The following DCAF10 variants were observed in gnomAD, a reference collection of about 807,000 sequenced individuals.
The protein encoded by DCAF10 is DDB1 and CUL4 associated factor 10, also known as DDB1- and CUL4-associated factor 10.
DCAF10 carries 19 observed loss-of-function variants against 51.9 expected under a neutral mutation model. That is an observed-to-expected ratio of 0.37 (90% CI 0.26 to 0.54). DCAF10 has a LOEUF of 0.54. Among genes scored for constraint, DCAF10 ranks in the 20% least tolerant of loss-of-function variants. The pLI, the probability that DCAF10 is intolerant of heterozygous loss-of-function variation, is 0.87. For missense variants in DCAF10, 510 were observed against 730.6 expected (o/e 0.70, Z 3.48); for synonymous variants, 291 against 297.1 (o/e 0.98, Z 0.21).
At chr9:37,826,928 C>T (rs554646647) in intron 2 of DCAF10, among the ~76,000 whole-genome samples, 2 of 149,458 alleles carry the variant, frequency 1.3e-5, no homozygotes, top group Admixed American at 1.4e-4. Flanking sequence ...CAGGTTCAAG[C>T]GATTCTCCTG....
chr9:37,837,038 T>A (rs1327332369), intron 2 of DCAF10, among the ~76,000 whole-genome samples: 1 of 152,214 alleles, frequency 6.6e-6, no homozygotes, highest in Admixed American at 6.5e-5. Context: ...GAATTTATGA[T>A]CTTAAGAAAT....
chr9:37,840,912 G>T (rs181651042), intron 2 of DCAF10, among the ~76,000 whole-genome samples: 58 of 152,272 alleles, frequency 3.8e-4, no homozygotes, highest in Admixed American at 3.5e-3. Context: ...TTACGATTGT[G>T]TTACAGTTGC....
rs528017195 is a variant in DCAF10 at position 37,851,788 on chromosome 9, A to AAAAT, written c.852-2970_852-2967dup. ...GGGCGACAGAGTAAGACTCTGTCTC[A>AAAAT]AAATAAATAAATAAATAAATAAATA... On this transcript the variant is annotated intron_variant, in intron 3 of 6. Transcript: ENST00000377724. 8.2e-3 allele frequency among the ~76,000 whole-genome samples: 1,154 copies of AAAAT among 141,520 alleles called. 30 individuals carry two copies. Among genetic ancestry groups the AAAAT allele is most frequent in the Admixed American group, 0.042 (601 of 14,372 alleles). The allele number at this position is 141,520 out of a possible 152,430, so 92.8% of individuals were successfully genotyped here.
intron 5 of DCAF10, 46 bp downstream of exon 5, chr9:37,857,397 C>A: frequency 1.5e-6 from 2 of 1,335,228 alleles, no homozygotes; most frequent in Non-Finnish European, 1.0e-6. Flanking sequence ...ACAGATTATG[C>A]CAATCTGATT....
chr9:37,817,822 CA>C (rs1175979202), intron 1 of DCAF10, among the ~76,000 whole-genome samples: 1 of 151,890 alleles, frequency 6.6e-6, no homozygotes, highest in Admixed American at 6.6e-5. Flanking sequence ...TTCTGACTTA[CA>C]AAAAGAAATA....
intron 2 of DCAF10, among the ~76,000 whole-genome samples, chr9:37,825,928 A>G (rs12346088): frequency 0.19 from 29,089 of 151,972 alleles, 3,191 homozygotes; most frequent in African/African-American, 0.29. Context: ...CCAGCTACCC[A>G]GGAGGCTGAG....
intron 3 of DCAF10, among the ~76,000 whole-genome samples, chr9:37,850,351 T>A (rs1830597526): frequency 6.6e-6 from 1 of 152,186 alleles, no homozygotes; most frequent in Admixed American, 6.5e-5. Context: ...GCAGCACTAT[T>A]CACAGTAGCC....
Position 37,829,336 on chromosome 9 carries a change from A to G in DCAF10, c.653+9935A>G, listed in dbSNP as rs1829943222. 6.6e-6 allele frequency among the ~76,000 whole-genome samples: 1 copy of G among 152,168 alleles called. No individual in the cohort carries two copies. The highest frequency in any genetic ancestry group is 6.5e-5 in the Admixed American group (1 of 15,278). On this transcript the variant is annotated intron_variant, in intron 2 of 6. Transcript: ENST00000377724. The surrounding 1 kb of genome is among the most constrained non-coding windows in gnomAD (Gnocchi z 4.2). ...ATGCCTGTAATCCCAGCTACTCGGGAGGCTGAGACAGGAGAATCACTTGAA... is the reference window on the plus strand; with the variant it reads ...ATGCCTGTAATCCCAGCTACTCGGGGGGCTGAGACAGGAGAATCACTTGAA...
chr9:37,807,658 C>CTTTTTTTTTTTTTTTTTTT (rs5897701), intron 1 of DCAF10, among the ~76,000 whole-genome samples: 2 of 72,540 alleles, frequency 2.8e-5, no homozygotes, highest in Non-Finnish European at 5.2e-5. Context: ...CTTTTCTTTT[C>CTTTTTTTTTTTTTTTTTTT]TTTTTTTTTT....
chr9:37,809,717 C>T (rs777731992), intron 1 of DCAF10, among the ~76,000 whole-genome samples: 11 of 152,034 alleles, frequency 7.2e-5, no homozygotes, highest in Non-Finnish European at 1.0e-4. Flanking sequence ...CCTATAATCC[C>T]GGCTACTCCG....
intron 1 of DCAF10, among the ~76,000 whole-genome samples, chr9:37,809,067 G>A (rs1466097881): frequency 6.7e-6 from 1 of 148,530 alleles, no homozygotes; most frequent in Non-Finnish European, 1.5e-5. Flanking sequence ...TCTAGCCTGG[G>A]TGACAGAATG....
chr9:37,801,525 C>G lies in DCAF10; in HGVS notation c.539+120C>G, dbSNP rs902666423. On this transcript the variant is annotated intron_variant, in intron 1 of 6. Transcript: ENST00000377724. The surrounding 1 kb of genome is among the most constrained non-coding windows in gnomAD (Gnocchi z 5.5). ...AGGTTAGCGAGGCCGTTTGGGGCCG[C>G]TGGCCTTCGTGCCTCCTGGCACTTT... The G allele has an allele frequency of 8.2e-7, 1 of 1,221,396 alleles. No individual in the cohort carries two copies. The highest frequency in any genetic ancestry group is 1.6e-5 in the African/African-American group (1 of 62,410). The allele number at this position is 1,221,396 out of a possible 1,614,324, so 75.7% of individuals were successfully genotyped here. A position where few individuals can be genotyped will look rare whatever the true frequency, so the allele number is the denominator to read the frequency against.
intron 1 of DCAF10, among the ~76,000 whole-genome samples, chr9:37,812,661 T>G (rs1829385823): frequency 6.6e-6 from 1 of 151,880 alleles, no homozygotes; most frequent in African/African-American, 2.4e-5. Context: ...TTAGACAGAG[T>G]CTCTCTCTGT....
At chr9:37,810,244 A>C (rs1043694299) in intron 1 of DCAF10, among the ~76,000 whole-genome samples, 4 of 152,156 alleles carry the variant, frequency 2.6e-5, no homozygotes. Context: ...GAAAAGCTAG[A>C]GAAAATATTA....
chr9:37,829,877 C>T lies in DCAF10; in HGVS notation c.653+10476C>T, dbSNP rs538490323. 3.3e-5 allele frequency among the ~76,000 whole-genome samples: 5 copies of T among 152,138 alleles called. No individual in the cohort carries two copies. The highest frequency in any genetic ancestry group is 4.8e-5 in the African/African-American group (2 of 41,524). On this transcript the variant is annotated intron_variant, in intron 2 of 6. Coordinates refer to ENST00000377724, the MANE Select transcript of DCAF10 (RefSeq NM_024345.5). The surrounding 1 kb of genome is among the most constrained non-coding windows in gnomAD (Gnocchi z 4.2). ...TAAAAATTAGCCAGGTGTAGTTGCA[C>T]GTGCCTATAGTCCCAGCTACTTAGA...
rs943115769 is a variant in DCAF10 at position 37,801,823 on chromosome 9, T to G, written c.539+418T>G. The stretch of plus-strand genomic sequence containing the variant: ...GTGTCGGGGTAGGAAAGCTGTAGAT[T>G]CCTTGCACTCTGTACCTGAACTTGC... On this transcript the variant is annotated intron_variant, in intron 1 of 6. Coordinates refer to ENST00000377724, the MANE Select transcript of DCAF10 (RefSeq NM_024345.5). This position sits in a 1 kb window ranked among gnomAD's most constrained non-coding sequence, Gnocchi z 5.5. Among the ~76,000 whole-genome samples, 1 of 152,220 alleles carries G rather than the reference T, an allele frequency of 6.6e-6. No homozygotes were observed. Among genetic ancestry groups the G allele is most frequent in the Non-Finnish European group, 1.5e-5 (1 of 68,038 alleles).
intron 5 of DCAF10, among the ~76,000 whole-genome samples, chr9:37,857,735 T>A (rs1830894176): frequency 6.6e-6 from 1 of 152,218 alleles, no homozygotes; most frequent in Non-Finnish European, 1.5e-5. Flanking sequence ...CTGGTTACCC[T>A]CAGACTTTTT....
chr9:37,836,029 G>A (rs1564038569), intron 2 of DCAF10: 1 of 1,051,860 alleles, frequency 9.5e-7, no homozygotes, highest in South Asian at 1.3e-5. Context: ...CCCAAACGCC[G>A]TCCGCGCCGC....
chr9:37,806,125 T>G lies in DCAF10; in HGVS notation c.539+4720T>G, dbSNP rs150327606. Among the ~76,000 whole-genome samples, 316 of 152,190 alleles carry G rather than the reference T, an allele frequency of 2.1e-3. 2 individuals carry two copies. The highest frequency in any genetic ancestry group is 7.3e-3 in the African/African-American group (302 of 41,524). On this transcript the variant is annotated intron_variant, in intron 1 of 6. Transcript: ENST00000377724. ...AAAAAATAAATAAAAGAACAGTACCTCTTAAAATCTTACTCTTAATGGCAT... is the reference window on the plus strand; with the variant it reads ...AAAAAATAAATAAAAGAACAGTACCGCTTAAAATCTTACTCTTAATGGCAT...
Sources: gnomAD v4.1 joint callset for allele counts (sites outside exome capture counted in the v4.1 genomes callset) on GRCh38, gnomAD v4.1.1 for gene constraint, Gnocchi (gnomAD v3.1) non-coding constraint, MANE v1.5 for transcripts, NCBI Gene and HGNC (gene_info 2026-07-23, HGNC 2026-07-21) for gene names.